Variants in PBRM1 observed in about 807,000 individuals in gnomAD.
The protein encoded by PBRM1 is protein polybromo-1.
Under a neutral mutation model 194.5 loss-of-function variants are expected in PBRM1, and 27 were observed. The observed-to-expected ratio is 0.14, with a 90% CI of 0.10 to 0.19. PBRM1 has a LOEUF of 0.19. Ranked by LOEUF, PBRM1 falls within the 10% of genes least tolerant of loss-of-function variation. PBRM1 has a pLI of 1.00. For missense variants in PBRM1, 1,466 were observed against 2,077.2 expected (o/e 0.71, Z 5.72); for synonymous variants, 655 against 693.2 (o/e 0.94, Z 0.87).
chr3:52,653,022 T>G (rs1490417155), intron 5 of PBRM1, among the ~76,000 whole-genome samples: 1 of 151,994 alleles, frequency 6.6e-6, no homozygotes, highest in East Asian at 1.9e-4. Flanking sequence ...AATTCTAAAT[T>G]CACAGAATTA....
intron 6 of PBRM1, among the ~76,000 whole-genome samples, chr3:52,651,448 T>C (rs142544624): frequency 6.6e-6 from 1 of 152,300 alleles, no homozygotes; most frequent in African/African-American, 2.4e-5. Context: ...CATAAATACA[T>C]ACACCTGCTA....
chr3:52,663,938 T>C (rs1290092786), intron 3 of PBRM1, among the ~76,000 whole-genome samples: 1 of 152,010 alleles, frequency 6.6e-6, no homozygotes, highest in Non-Finnish European at 1.5e-5. Context: ...TGGGTGCCTG[T>C]AGTCCCAGCT....
chr3:52,561,086 T>TA (rs990548419), intron 25 of PBRM1, among the ~76,000 whole-genome samples: 13 of 151,608 alleles, frequency 8.6e-5, no homozygotes, highest in South Asian at 2.1e-4. Flanking sequence ...GTCTGATATT[T>TA]AAAAAAAACC....
intron 11 of PBRM1, among the ~76,000 whole-genome samples, chr3:52,630,112 A>G (rs1420741946): frequency 6.6e-6 from 1 of 152,170 alleles, no homozygotes; most frequent in Non-Finnish European, 1.5e-5. Context: ...TGTTCTCAAT[A>G]CCCTCAAACA....
chr3:52,673,278 G>A (rs774809214), intron 2 of PBRM1, among the ~76,000 whole-genome samples: 5 of 151,334 alleles, frequency 3.3e-5, no homozygotes, highest in Middle Eastern at 3.4e-3. Context: ...ATGAGCCACC[G>A]CGCCCAGCCA....
chr3:52,606,253 C>T (rs1213544033), intron 16 of PBRM1, among the ~76,000 whole-genome samples: 1 of 152,032 alleles, frequency 6.6e-6, no homozygotes, highest in African/African-American at 2.4e-5. Context: ...AAGCCATCCT[C>T]CCACCTTGGG....
At chr3:52,638,704 C>T (rs932524164) in intron 10 of PBRM1, among the ~76,000 whole-genome samples, 4 of 151,956 alleles carry the variant, frequency 2.6e-5, no homozygotes, top group East Asian at 1.9e-4. Context: ...GGCAATCCTC[C>T]TGCCTTAGCC....
intron 17 of PBRM1, among the ~76,000 whole-genome samples, chr3:52,593,477 T>C (rs1432055158): frequency 1.3e-5 from 2 of 152,164 alleles, no homozygotes; most frequent in Non-Finnish European, 2.9e-5. Flanking sequence ...CCTGAAGCAA[T>C]CCACTCTCCT....
chr3:52,674,086 T>C (rs556878194), intron 2 of PBRM1, among the ~76,000 whole-genome samples: 40 of 151,406 alleles, frequency 2.6e-4, no homozygotes, highest in Non-Finnish European at 4.9e-4. Flanking sequence ...ATATATAGAA[T>C]GCAGATAAAC....
At chr3:52,585,366 A>G (rs2092207118) in intron 20 of PBRM1, 1 of 152,180 alleles carries the variant, frequency 6.6e-6, no homozygotes, top group African/African-American at 2.4e-5. Context: ...GGTCAGTTCT[A>G]TGATACTTTA....
At chr3:52,673,294 A>C (rs2096994868) in intron 2 of PBRM1, among the ~76,000 whole-genome samples, 1 of 151,732 alleles carries the variant, frequency 6.6e-6, no homozygotes, top group Non-Finnish European at 1.5e-5. Flanking sequence ...AGCCATAAGA[A>C]CTATTAATTT....
chr3:52,665,726 A>C (rs987412352), intron 3 of PBRM1, among the ~76,000 whole-genome samples: 2 of 152,178 alleles, frequency 1.3e-5, no homozygotes, highest in Non-Finnish European at 2.9e-5. Flanking sequence ...GAAGAGTTTC[A>C]TCCTGACCCT....
intron 21 of PBRM1, among the ~76,000 whole-genome samples, chr3:52,577,198 AG>A (rs747819734): frequency 4.6e-5 from 7 of 152,198 alleles, no homozygotes; most frequent in Non-Finnish European, 1.0e-4. Flanking sequence ...TGGGAGGCCA[AG>A]GTGGGCGAAT....
At chr3:52,585,291 T>A (rs553092097) in intron 20 of PBRM1, among the ~76,000 whole-genome samples, 1 of 152,146 alleles carries the variant, frequency 6.6e-6, no homozygotes, top group African/African-American at 2.4e-5. Flanking sequence ...TTCAACAGTA[T>A]AATAATCATA....
intron 17 of PBRM1, among the ~76,000 whole-genome samples, chr3:52,597,140 T>C (rs945050827): frequency 1.3e-5 from 2 of 152,170 alleles, no homozygotes; most frequent in Non-Finnish European, 2.9e-5. Flanking sequence ...AGCACAAAGA[T>C]TCTCTGTGTC....
intron 14 of PBRM1, 71 bp from the exon 17 acceptor site, chr3:52,615,527 G>C (rs1232784456): frequency 7.2e-6 from 7 of 973,098 alleles, no homozygotes; most frequent in South Asian, 1.4e-5. Context: ...CATCCATAAA[G>C]AAGTTTTAAA....
chr3:52,662,690 G>C (rs1029984776), intron 3 of PBRM1, among the ~76,000 whole-genome samples: 2 of 152,164 alleles, frequency 1.3e-5, no homozygotes, highest in Non-Finnish European at 2.9e-5. Flanking sequence ...GCTGGGCGTG[G>C]TGGTACGCAC....
In PBRM1 at chr3:52,609,140, C is replaced by T. The variant is rs1486813752; in HGVS notation, c.2567+173G>A. 2 of 584,704 alleles carry T rather than the reference C, an allele frequency of 3.4e-6. No homozygotes were observed. The highest frequency in any genetic ancestry group is 2.2e-5 in the South Asian group (1 of 44,768). The allele number at this position is 584,704 out of a possible 1,614,324, so 36.2% of individuals were successfully genotyped here. ...GACTTAGTGGTGTGCCTTCTCTCCCCCACAGAATATACTCACTCTTAAGAA... is the reference window on the plus strand; with the variant it reads ...GACTTAGTGGTGTGCCTTCTCTCCCTCACAGAATATACTCACTCTTAAGAA... On this transcript the variant is annotated intron_variant, in intron 16 of 29. Transcript: ENST00000296302. This position sits in a 1 kb window ranked among gnomAD's most constrained non-coding sequence, Gnocchi z 4.1.
chr3:52,619,064 T>C (rs1247214061), intron 13 of PBRM1, among the ~76,000 whole-genome samples: 2 of 152,132 alleles, frequency 1.3e-5, no homozygotes, highest in African/African-American at 2.4e-5. Flanking sequence ...CGGCTAATTT[T>C]TGTATTTTTA....
Sources: allele counts gnomAD v4.1 joint callset (sites outside exome capture counted in the v4.1 genomes callset), GRCh38; gene constraint gnomAD v4.1.1; non-coding constraint Gnocchi (gnomAD v3.1); transcripts MANE v1.5; gene names NCBI Gene and HGNC (gene_info 2026-07-23, HGNC 2026-07-21).